The following PLXDC2 variants were observed in gnomAD, a reference collection of about 807,000 sequenced individuals.
PLXDC2 encodes plexin domain-containing protein 2.
A neutral mutation model predicts 68.9 loss-of-function variants in PLXDC2; 40 were observed. The ratio of observed to expected loss-of-function variants is 0.58; its 90% CI spans 0.45 to 0.76. The LOEUF (loss-of-function observed/expected upper bound fraction) is 0.76, where lower values mean the gene tolerates loss of function less well. PLXDC2 is among the 30% of genes least tolerant of loss of function. PLXDC2 has a pLI of 0.00. For synonymous variants in PLXDC2, 243 were observed against 234.2 expected, an observed-to-expected ratio of 1.04 and a Z score of -0.34; for missense variants, 644 against 661.9, an observed-to-expected ratio of 0.97 and a Z score of 0.30.
intron 1 of PLXDC2, among the ~76,000 whole-genome samples, chr10:19,901,742 G>A (rs2131367943): frequency 6.6e-6 from 1 of 152,140 alleles, no homozygotes; most frequent in Admixed American, 6.5e-5. Context: ...TGGTCGTGAA[G>A]TCTTTGCCTA....
chr10:20,013,126 A>G (rs1835146229), intron 2 of PLXDC2, among the ~76,000 whole-genome samples: 1 of 152,126 alleles, frequency 6.6e-6, no homozygotes, highest in Non-Finnish European at 1.5e-5. Context: ...ATTAATATTC[A>G]CCTTTTAGAT....
intron 2 of PLXDC2, among the ~76,000 whole-genome samples, chr10:20,036,704 C>T (rs1170321345): frequency 6.6e-6 from 1 of 152,048 alleles, no homozygotes; most frequent in Non-Finnish European, 1.5e-5. Flanking sequence ...AATGAACATG[C>T]ATTTTACCCA....
intron 1 of PLXDC2, among the ~76,000 whole-genome samples, chr10:19,822,214 T>C (rs78403377): frequency 0.12 from 18,128 of 148,950 alleles, 1,289 homozygotes; most frequent in Non-Finnish European, 0.15. Context: ...ATATATAATA[T>C]ATATGCACTA....
intron 4 of PLXDC2, among the ~76,000 whole-genome samples, chr10:20,086,135 T>C (rs1050579777): frequency 2.6e-5 from 4 of 152,128 alleles, no homozygotes; most frequent in Non-Finnish European, 5.9e-5. Context: ...TTTTCACTGG[T>C]TTGTGGTCTG....
At chr10:19,901,518 G>C (rs1589527394) in intron 1 of PLXDC2, among the ~76,000 whole-genome samples, 1 of 151,900 alleles carries the variant, frequency 6.6e-6, no homozygotes, top group Non-Finnish European at 1.5e-5. Flanking sequence ...ACTTTTTGAT[G>C]GGATCATTTG....
At position 19,987,490 on chromosome 10, in the gene PLXDC2, T is replaced by G. The variant is rs1468361153; in HGVS notation, c.113-14285T>G. On this transcript the variant is annotated intron_variant, in intron 1 of 13. Coordinates refer to ENST00000377252, the MANE Select transcript of PLXDC2 (RefSeq NM_032812.9). ...TGTAAATGGATTGAAATTTAAATATTAAGGTACACTTGCCATCCTTTTTTT... is the reference window on the plus strand; with the variant it reads ...TGTAAATGGATTGAAATTTAAATATGAAGGTACACTTGCCATCCTTTTTTT... Among the ~76,000 whole-genome samples, 3 of 152,288 alleles carry G rather than the reference T, an allele frequency of 2.0e-5. No homozygotes were observed. The East Asian group carries it at 5.8e-4, about 29-fold the overall frequency.
intron 1 of PLXDC2, among the ~76,000 whole-genome samples, chr10:19,895,362 T>A (rs1838039993): frequency 6.6e-6 from 1 of 152,180 alleles, no homozygotes; most frequent in Non-Finnish European, 1.5e-5. Context: ...AGAAATTTGA[T>A]GAAAACCGCA....
At chr10:20,141,112 A>G (rs1400977492) in intron 4 of PLXDC2, among the ~76,000 whole-genome samples, 6 of 152,110 alleles carry the variant, frequency 3.9e-5, no homozygotes, top group African/African-American at 1.4e-4. Flanking sequence ...CTTTGGAAAC[A>G]ATTTGAAATT....
intron 12 of PLXDC2, among the ~76,000 whole-genome samples, chr10:20,237,536 C>T (rs181398273): frequency 1.3e-5 from 2 of 152,136 alleles, no homozygotes; most frequent in African/African-American, 4.8e-5. Flanking sequence ...GCAAGGGAAA[C>T]TTACAAAGGG....
chr10:19,969,129 C>T (rs1410944285), intron 1 of PLXDC2, among the ~76,000 whole-genome samples: 1 of 152,134 alleles, frequency 6.6e-6, no homozygotes, highest in Non-Finnish European at 1.5e-5. Flanking sequence ...TTACAATATG[C>T]TAGCCAGACA....
chr10:19,903,610 T>G (rs1419071699), intron 1 of PLXDC2, among the ~76,000 whole-genome samples: 1 of 152,020 alleles, frequency 6.6e-6, no homozygotes, highest in Non-Finnish European at 1.5e-5. Context: ...TTTATTCATC[T>G]TTTCAATGAA....
chr10:19,840,254 T>C (rs994441113), intron 1 of PLXDC2, among the ~76,000 whole-genome samples: 3 of 152,182 alleles, frequency 2.0e-5, no homozygotes, highest in African/African-American at 7.2e-5. Flanking sequence ...GTTTTATTCA[T>C]TTGGCTACAG....
chr10:19,896,441 C>T (rs529559788), intron 1 of PLXDC2, among the ~76,000 whole-genome samples: 17 of 152,208 alleles, frequency 1.1e-4, no homozygotes, highest in Non-Finnish European at 1.8e-4. Flanking sequence ...TTCTGGATAC[C>T]GTGGTTATTT....
intron 3 of PLXDC2, among the ~76,000 whole-genome samples, chr10:20,067,709 G>A (rs527425505): frequency 1.3e-5 from 2 of 151,448 alleles, no homozygotes; most frequent in African/African-American, 4.8e-5. Context: ...AAAAAATTCT[G>A]CAGGTCTAGA....
chr10:20,075,647 C>G (rs1836428266), intron 4 of PLXDC2, among the ~76,000 whole-genome samples: 1 of 151,916 alleles, frequency 6.6e-6, no homozygotes, highest in African/African-American at 2.4e-5. Context: ...GAGAAAGCAC[C>G]CAGGAGCAAG....
intron 3 of PLXDC2, among the ~76,000 whole-genome samples, chr10:20,058,192 T>A (rs1836034254): frequency 1.3e-5 from 2 of 152,210 alleles, no homozygotes. Flanking sequence ...AGGTGATATT[T>A]TGTTACATGC....
intron 3 of PLXDC2, among the ~76,000 whole-genome samples, chr10:20,055,373 G>A (rs1835979601): frequency 6.6e-6 from 1 of 152,008 alleles, no homozygotes; most frequent in African/African-American, 2.4e-5. Context: ...TGTTTATGGC[G>A]ACTTTAGTAA....
At chr10:20,157,336 A>G (rs1055594618) in intron 6 of PLXDC2, among the ~76,000 whole-genome samples, 2 of 152,214 alleles carry the variant, frequency 1.3e-5, no homozygotes, top group African/African-American at 4.8e-5. Context: ...AAGGTTAGAT[A>G]GGCATATGAT....
chr10:19,842,654 A>C (rs1466760912), intron 1 of PLXDC2, among the ~76,000 whole-genome samples: 2 of 152,214 alleles, frequency 1.3e-5, no homozygotes, highest in Non-Finnish European at 2.9e-5. Flanking sequence ...TGCAAAACCT[A>C]AGCCAGTAAG....
Sources: allele counts gnomAD v4.1 joint callset (sites outside exome capture counted in the v4.1 genomes callset), GRCh38; gene constraint gnomAD v4.1.1; transcripts MANE v1.5; gene names NCBI Gene and HGNC (gene_info 2026-07-23, HGNC 2026-07-21).